Variants in HSD17B14 observed in about 807,000 individuals in gnomAD.
HSD17B14 encodes the protein hydroxysteroid 17-beta dehydrogenase 14, also known as L-fucose dehydrogenase.
A neutral mutation model predicts 32.2 loss-of-function variants in HSD17B14; 32 were observed. The observed-to-expected ratio is 0.99, with a 90% CI of 0.75 to 1.33. HSD17B14 has a LOEUF of 1.33. Among genes scored for constraint, HSD17B14 ranks in the 40% most tolerant of loss-of-function variants. HSD17B14 has a pLI of 0.00. For synonymous variants in HSD17B14, 140 were observed against 155.4 expected (o/e 0.90, Z 0.74); for missense variants, 370 against 366.5 (o/e 1.01, Z -0.08).
chr19:48,814,717 G>A (rs749066189), intron 6 of HSD17B14, among the ~76,000 whole-genome samples: 2 of 149,370 alleles, frequency 1.3e-5, no homozygotes, highest in Admixed American at 6.7e-5. Flanking sequence ...GGTGGCATGC[G>A]CCTGTAGTCC....
intron 7 of HSD17B14, 21 bp downstream of exon 7, chr19:48,813,642 C>G (rs555639599): frequency 1.2e-6 from 2 of 1,614,004 alleles, no homozygotes; most frequent in East Asian, 2.2e-5. Context: ...GGAGGCTCTC[C>G]GCCTGCTCAG....
At chr19:48,813,415 C>T in intron 8 of HSD17B14, 41 bp downstream of exon 8, 1 of 1,568,670 alleles carries the variant, frequency 6.4e-7, no homozygotes, top group South Asian at 1.2e-5. Flanking sequence ...CCCCCACCCC[C>T]ATGCCACCTT....
intron 5 of HSD17B14, among the ~76,000 whole-genome samples, chr19:48,830,179 C>G (rs1322552679): frequency 6.6e-6 from 1 of 152,080 alleles, no homozygotes; most frequent in East Asian, 1.9e-4. Flanking sequence ...CCCAACCCCC[C>G]TTTCTTCAAG....
At chr19:48,824,073 G>A (rs113268822) in intron 5 of HSD17B14, among the ~76,000 whole-genome samples, 32,046 of 144,848 alleles carry the variant, frequency 0.22, 3,718 homozygotes, top group Admixed American at 0.26. Context: ...TGGCCAACAT[G>A]GTGAAACCCT....
At chr19:48,816,680 T>C (rs2122741793) in intron 5 of HSD17B14, among the ~76,000 whole-genome samples, 1 of 152,290 alleles carries the variant, frequency 6.6e-6, no homozygotes, top group East Asian at 1.9e-4. Context: ...CCAGGATCAC[T>C]AGCTCACACC....
At position 48,829,878 on chromosome 19, in the gene HSD17B14, G is replaced by A. The variant is rs549635331; in HGVS notation, c.369+1790C>T. On this transcript the variant is annotated intron_variant, in intron 5 of 8. Transcript: ENST00000263278. ...GGCTGGTCTCAAACTCCCGACCTCA[G>A]GTGATCCGCCTGCCTCGGCCTCCCA... Among the ~76,000 whole-genome samples the A allele has an allele frequency of 4.5e-3, 685 of 150,972 alleles. 1 individual carries two copies. The highest frequency in any genetic ancestry group is 7.1e-3 in the Non-Finnish European group (481 of 67,714).
At chr19:48,816,451 C>G (rs1476894458) in intron 5 of HSD17B14, among the ~76,000 whole-genome samples, 4 of 152,184 alleles carry the variant, frequency 2.6e-5, no homozygotes, top group Non-Finnish European at 5.9e-5. Flanking sequence ...GCCTGGAGTG[C>G]CTTTTCCTAA....
chr19:48,830,982 G>C (rs1047881066), intron 5 of HSD17B14, among the ~76,000 whole-genome samples: 9 of 151,982 alleles, frequency 5.9e-5, no homozygotes, highest in African/African-American at 2.2e-4. Context: ...GGGACTACAA[G>C]GGCACCACTA....
chr19:48,830,977 T>A (rs1229417252), intron 5 of HSD17B14, among the ~76,000 whole-genome samples: 1 of 152,170 alleles, frequency 6.6e-6, no homozygotes, highest in East Asian at 1.9e-4. Context: ...TAGCTGGGAC[T>A]ACAAGGGCAC....
At chr19:48,819,253 T>C (rs2035106720) in intron 5 of HSD17B14, among the ~76,000 whole-genome samples, 1 of 152,306 alleles carries the variant, frequency 6.6e-6, no homozygotes, top group African/African-American at 2.4e-5. Flanking sequence ...CCTCCCAAAG[T>C]GCTGGGATTA....
At chr19:48,814,954 T>G (rs1243651991) in intron 6 of HSD17B14, 83 bp downstream of exon 6, 8 of 1,009,062 alleles carry the variant, frequency 7.9e-6, no homozygotes, top group Non-Finnish European at 1.1e-5. Flanking sequence ...TCTTGCTAGG[T>G]CTGGCTCCTA....
chr19:48,825,723 C>T (rs2035232184), intron 5 of HSD17B14, among the ~76,000 whole-genome samples: 1 of 152,156 alleles, frequency 6.6e-6, no homozygotes, highest in African/African-American at 2.4e-5. Flanking sequence ...ACTTGCATGA[C>T]GTTGCAGGTA....
intron 5 of HSD17B14, among the ~76,000 whole-genome samples, chr19:48,827,704 AT>A (rs1364357380): frequency 6.6e-6 from 1 of 151,246 alleles, no homozygotes; most frequent in Admixed American, 6.6e-5. Flanking sequence ...TGCCCAGCTA[AT>A]TTTTTGTGTA....
chr19:48,818,344 C>A (rs1599828047), intron 5 of HSD17B14, among the ~76,000 whole-genome samples: 1 of 150,702 alleles, frequency 6.6e-6, no homozygotes, highest in Non-Finnish European at 1.5e-5. Context: ...AAAAGAGAAA[C>A]CATGCTCTAA....
At chr19:48,820,409 G>A (rs1215995111) in intron 5 of HSD17B14, among the ~76,000 whole-genome samples, 1 of 151,518 alleles carries the variant, frequency 6.6e-6, no homozygotes, top group Non-Finnish European at 1.5e-5. Flanking sequence ...GGTGGAGATT[G>A]CAGTGAGCCG....
At chr19:48,827,912 T>G (rs549764356) in intron 5 of HSD17B14, among the ~76,000 whole-genome samples, 3 of 149,618 alleles carry the variant, frequency 2.0e-5, no homozygotes, top group Non-Finnish European at 4.4e-5. Flanking sequence ...TGGAGTGCAG[T>G]GATGCAATCT....
At chr19:48,816,779 T>TTTTCTTTTTCTTTCTTTC (rs1555775883) in intron 5 of HSD17B14, among the ~76,000 whole-genome samples, 3 of 122,180 alleles carry the variant, frequency 2.5e-5, no homozygotes, top group Non-Finnish European at 5.0e-5. Flanking sequence ...GCAAGACCCT[T>TTTTCTTTTTCTTTCTTTC]TTTCTTTCTT....
intron 6 of HSD17B14, 35 bp from the exon 7 acceptor site, chr19:48,813,765 C>A: frequency 6.2e-7 from 1 of 1,611,946 alleles, no homozygotes; most frequent in South Asian, 1.1e-5. Flanking sequence ...AAGTTCAGTC[C>A]CCGGGACATG....
At chr19:48,815,216 T>C in intron 5 of HSD17B14, 75 bp from the exon 6 acceptor site, 1 of 1,124,110 alleles carries the variant, frequency 8.9e-7, no homozygotes, top group Non-Finnish European at 1.4e-6. Flanking sequence ...GCCACAGCCA[T>C]CCTGATGTCT....
Sources: gnomAD v4.1 joint callset for allele counts (sites outside exome capture counted in the v4.1 genomes callset) on GRCh38, gnomAD v4.1.1 for gene constraint, MANE v1.5 for transcripts, NCBI Gene and HGNC (gene_info 2026-07-23, HGNC 2026-07-21) for gene names.